The following SPTB variants were observed in gnomAD, a reference collection of about 807,000 sequenced individuals.
SPTB encodes spectrin beta, erythrocytic.
Under a neutral mutation model 256.2 loss-of-function variants are expected in SPTB, and 45 were observed. The observed-to-expected ratio is 0.18, with a 90% CI of 0.14 to 0.23. SPTB has a LOEUF of 0.23. Among genes scored for constraint, SPTB ranks in the 10% least tolerant of loss-of-function variants. The probability of loss-of-function intolerance (pLI) is 1.00; values close to 1 mark genes in which losing one functional copy is unlikely to be tolerated. For missense variants in SPTB, 2,715 were observed against 3,040.4 expected (o/e 0.89, Z 2.52); for synonymous variants, 1,231 against 1,243.1 (o/e 0.99, Z 0.21).
chr14:64,866,852 A>G lies in SPTB; in HGVS notation c.-52+12940T>C, dbSNP rs540881487. Among the ~76,000 whole-genome samples, 1 of 152,194 alleles carries G rather than the reference A, an allele frequency of 6.6e-6. No homozygotes were observed. Among genetic ancestry groups the G allele is most frequent in the Non-Finnish European group, 1.5e-5 (1 of 68,032 alleles). ...CTGTACCCAGAAAAATAAAACCTCT[A>G]TACAGGAATTTTCAGTCTTTTTTTT... On this transcript the variant is annotated intron_variant, in intron 1 of 35. Coordinates refer to ENST00000644917, the MANE Select transcript of SPTB (RefSeq NM_001355436.2). This position sits in a 1 kb window ranked among gnomAD's most constrained non-coding sequence, Gnocchi z 4.6.
chr14:64,793,071 C>A lies in SPTB; in HGVS notation c.2592G>T (p.Met864Ile), dbSNP rs750883612. The change falls in exon 14 of 36, where the codon ATG becomes ATT. Residue 864 changes from methionine (M) to isoleucine (I), a missense_variant. By Grantham distance (10) the Met-to-Ile change is conservative. This residue lies in a region of SPTB where 2,239 missense variants were observed against 2,384.4 expected (regional missense o/e 0.94). Coordinates refer to ENST00000644917, the MANE Select transcript of SPTB (RefSeq NM_001355436.2). The surrounding 1 kb of genome is among the most constrained non-coding windows in gnomAD (Gnocchi z 7.0). ...FGETDACELW[M>I]GEKEKWLAEM... ...CGGCCAGCCACTTCTCCTTCTCTCC[C>A]ATCCACAGCTCACAGGCGTCTGTCT... The A allele has an allele frequency of 6.2e-7, 1 of 1,614,116 alleles. No individual in the cohort carries two copies. The highest frequency in any genetic ancestry group is 1.1e-5 in the South Asian group (1 of 91,086).
At chr14:64,857,111 G>T (rs1413219481) in intron 1 of SPTB, among the ~76,000 whole-genome samples, 1 of 152,132 alleles carries the variant, frequency 6.6e-6, no homozygotes, top group Non-Finnish European at 1.5e-5. Flanking sequence ...TGCAGCATGT[G>T]ACCGCAATAC....
chr14:64,843,733 G>A (rs764362626), intron 1 of SPTB, among the ~76,000 whole-genome samples: 8 of 152,182 alleles, frequency 5.3e-5, no homozygotes, highest in Admixed American at 1.3e-4. Context: ...GTGAACAGAC[G>A]GGAATGCTGC....
rs1056050012 is a variant in SPTB, at chr14:64,748,279, G to A, written c.*1027C>T. On this transcript the variant is annotated 3_prime_UTR_variant, in exon 36 of 36. Coordinates refer to ENST00000644917, the MANE Select transcript of SPTB (RefSeq NM_001355436.2). ...GCAGACAGGATGCAATTGAGCATTT[G>A]GCTTTGGGATGCTTTACTGCAGGTG... 6 of 152,250 alleles carry A rather than the reference G, an allele frequency of 3.9e-5. No individual in the cohort carries two copies. Among genetic ancestry groups the A allele is most frequent in the Non-Finnish European group, 8.8e-5 (6 of 68,080 alleles). 9.4% of individuals were successfully genotyped at this position (152,250 alleles called of 1,614,324 possible). A position where few individuals can be genotyped will look rare whatever the true frequency, so the allele number is the denominator to read the frequency against.
At position 64,793,554 on chromosome 14, in the gene SPTB, C is replaced by T; in HGVS notation, c.2109G>A (p.Met703Ile). 1 of 1,614,172 alleles carries T rather than the reference C, an allele frequency of 6.2e-7. No individual in the cohort carries two copies. The highest frequency in any genetic ancestry group is 8.5e-7 in the Non-Finnish European group (1 of 1,180,040). ...LEQIFQEAHG[M>I]VARKQFGHPQ... ...GGTGCCCAAACTGCTTGCGCGCAAC[C>T]ATGCCATGAGCCTCCTGGAAGATCT... The change falls in exon 14 of 36, where the codon ATG (methionine) becomes ATA (isoleucine). Residue 703 changes from methionine (M) to isoleucine (I), a missense_variant. Physicochemically the swap from Met to Ile is conservative, Grantham distance 10 (BLOSUM62 1). This residue lies in a region of SPTB where 2,239 missense variants were observed against 2,384.4 expected (regional missense o/e 0.94). Coordinates refer to ENST00000644917, the MANE Select transcript of SPTB (RefSeq NM_001355436.2). The surrounding 1 kb of genome is among the most constrained non-coding windows in gnomAD (Gnocchi z 7.0).
In SPTB at chr14:64,797,805, A is replaced by G; in HGVS notation, c.1106T>C (p.Ile369Thr). The change falls in exon 10 of 36, where the codon ATC becomes ACC. Residue 369 changes from isoleucine (I) to threonine (T), a missense_variant. Ile to Thr is a moderately conservative substitution (Grantham distance 89). This residue lies in a region of SPTB where 416 missense variants were observed against 571.1 expected (regional missense o/e 0.73). Transcript: ENST00000644917. ...ATTGTTGGCTCTCATCCGGGACTGG[A>G]TGGTAAAAAGTAGAACTTCCAGATT... ...KGNLEVLLFT[I>T]QSRMRANNQK... The G allele has an allele frequency of 6.2e-7, 1 of 1,614,156 alleles. No individual in the cohort carries two copies. Among genetic ancestry groups the G allele is most frequent in the Non-Finnish European group, 8.5e-7 (1 of 1,180,000 alleles).
chr14:64,814,689 G>C (rs1285264324), intron 2 of SPTB, among the ~76,000 whole-genome samples: 1 of 151,990 alleles, frequency 6.6e-6, no homozygotes, highest in African/African-American at 2.4e-5. Context: ...CTAATTTTTT[G>C]TATTTTTAGT....
chr14:64,764,553 C>G lies in SPTB; in HGVS notation c.6345+2173G>C, dbSNP rs1214137008. 2.6e-5 allele frequency among the ~76,000 whole-genome samples: 4 copies of G among 152,230 alleles called. No individual in the cohort carries two copies. Among genetic ancestry groups the G allele is most frequent in the Non-Finnish European group, 5.9e-5 (4 of 68,048 alleles). On this transcript the variant is annotated intron_variant, in intron 32 of 35. Coordinates refer to ENST00000644917, the MANE Select transcript of SPTB (RefSeq NM_001355436.2). This position sits in a 1 kb window ranked among gnomAD's most constrained non-coding sequence, Gnocchi z 4.2. ...CCCCAAAGAGATCATCAGGTCCAAA[C>G]AGGTTTTATTCCCCCCAACCCAGTG... is the stretch of plus-strand genomic sequence containing the variant.
Position 64,806,492 on chromosome 14 carries a change from C to G in SPTB, c.149-1402G>C, listed in dbSNP as rs1010535362. 1.3e-5 allele frequency among the ~76,000 whole-genome samples: 2 copies of G among 152,202 alleles called. No individual in the cohort carries two copies. The highest frequency in any genetic ancestry group is 4.8e-5 in the African/African-American group (2 of 41,442). On this transcript the variant is annotated intron_variant, in intron 2 of 35. Coordinates refer to ENST00000644917, the MANE Select transcript of SPTB (RefSeq NM_001355436.2). The surrounding 1 kb of genome is among the most constrained non-coding windows in gnomAD (Gnocchi z 4.1). ...TGAGCCTCAACCGTGAAAGGGCTGG[C>G]TTTTTAAATTATTAAATATCTTGAT...
At chr14:64,820,247 A>T (rs968760889) in intron 2 of SPTB, among the ~76,000 whole-genome samples, 1 of 152,154 alleles carries the variant, frequency 6.6e-6, no homozygotes, top group Non-Finnish European at 1.5e-5. Context: ...CTAGGCTGCT[A>T]AGGTGGCCCC....
intron 22 of SPTB, among the ~76,000 whole-genome samples, chr14:64,776,738 G>A (rs918854161): frequency 2.0e-5 from 3 of 152,162 alleles, no homozygotes; most frequent in Non-Finnish European, 4.4e-5. Context: ...CACTGCGCCC[G>A]GCCTAAAAGG....
chr14:64,860,345 A>G (rs1372514280), intron 1 of SPTB, among the ~76,000 whole-genome samples: 1 of 152,174 alleles, frequency 6.6e-6, no homozygotes, highest in African/African-American at 2.4e-5. Context: ...CTTCTACAGA[A>G]CATCCTGGTG....
intron 7 of SPTB, 145 bp from the exon 8 acceptor site, chr14:64,801,013 T>G (rs1447664481): frequency 1.3e-6 from 1 of 743,162 alleles, no homozygotes; most frequent in Non-Finnish European, 2.4e-6. Flanking sequence ...AAGAGTGTGA[T>G]GAAATCCATT....
chr14:64,823,013 C>A lies in SPTB; in HGVS notation c.82G>T (p.Asp28Tyr). The change falls in exon 2 of 36, where the codon GAC becomes TAC. Residue 28 changes from aspartate to tyrosine, a missense_variant. By Grantham distance (160) the Asp-to-Tyr change is radical. Around this residue, in one of 4 missense-constraint regions of SPTB, gnomAD observed 58 missense variants for 67.9 expected, o/e 0.85. Coordinates refer to ENST00000644917, the MANE Select transcript of SPTB (RefSeq NM_001355436.2). The surrounding 1 kb of genome is among the most constrained non-coding windows in gnomAD (Gnocchi z 6.5). The stretch of plus-strand genomic sequence containing the variant: ...GAGCTGTTGTCATTATCCAGCTCGT[C>A]GTCTGGGGCGTCCCAGCGGGCATTG... ...RINARWDAPDDELDNDNSSAR... is the reference protein window; with the variant it reads ...RINARWDAPDYELDNDNSSAR... The A allele has an allele frequency of 6.2e-7, 1 of 1,614,112 alleles. No individual in the cohort carries two copies. Among genetic ancestry groups the A allele is most frequent in the Non-Finnish European group, 8.5e-7 (1 of 1,180,024 alleles).
chr14:64,878,229 A>T lies in SPTB; in HGVS notation c.-52+1563T>A, dbSNP rs556976675. ...TCTAGAGTTTTTGATAAAATTCTTT[A>T]TAAATGACCCACCTCTGGAGTTAGT... On this transcript the variant is annotated intron_variant, in intron 1 of 35. Transcript: ENST00000644917. 6.6e-5 allele frequency among the ~76,000 whole-genome samples: 10 copies of T among 152,276 alleles called. No individual in the cohort carries two copies. The East Asian group carries it at 1.7e-3, about 26-fold the overall frequency.
chr14:64,871,165 T>G (rs971187740), intron 1 of SPTB, among the ~76,000 whole-genome samples: 1 of 152,246 alleles, frequency 6.6e-6, no homozygotes, highest in Admixed American at 6.5e-5. Context: ...ATAGGGTGCA[T>G]GTATCTAGCC....
chr14:64,868,751 G>A (rs117553394), intron 1 of SPTB, among the ~76,000 whole-genome samples: 2,114 of 152,298 alleles, frequency 0.014, 20 homozygotes, highest in Middle Eastern at 0.02. Flanking sequence ...TATGGAAGGA[G>A]GCTATTGCAT....
In SPTB at chr14:64,768,709, T is replaced by A. The variant is rs1013115717; in HGVS notation, c.6022+325A>T. On this transcript the variant is annotated intron_variant, in intron 29 of 35. Transcript: ENST00000644917. ...ACCCCTCCCCCAGGCCCCCAGCCCC[T>A]CCCCCGGGCCCCCAACTCCTCCCCC... Among the ~76,000 whole-genome samples, 15 of 88,826 alleles carry A rather than the reference T, an allele frequency of 1.7e-4. No homozygotes were observed. The Middle Eastern group carries it at 0.018, about 107-fold the overall frequency. 58.3% of individuals were successfully genotyped at this position (88,826 alleles called of 152,430 possible).
intron 9 of SPTB, 45 bp from the exon 10 acceptor site, chr14:64,797,891 G>A (rs373580287): frequency 1.3e-6 from 2 of 1,503,462 alleles, no homozygotes; most frequent in African/African-American, 1.4e-5. Context: ...AAGATCTCAT[G>A]GCCAAATTTT....
Sources: gnomAD v4.1 joint callset for allele counts (sites outside exome capture counted in the v4.1 genomes callset) on GRCh38, gnomAD v4.1.1 for gene constraint, gnomAD v4.1.1 regional missense constraint, Gnocchi (gnomAD v3.1) non-coding constraint, MANE v1.5 for transcripts, NCBI Gene and HGNC (gene_info 2026-07-23, HGNC 2026-07-21) for gene names.